NRG3: variants seen among roughly 807,000 people sequenced by gnomAD.
NRG3 encodes the protein pro-neuregulin-3, membrane-bound isoform.
In NRG3, 31 loss-of-function variants were observed where a neutral mutation model predicts 66.9. That is an observed-to-expected ratio of 0.46 (90% CI 0.35 to 0.63). NRG3 has a LOEUF of 0.63. Among genes scored for constraint, NRG3 ranks in the 20% least tolerant of loss-of-function variants. The pLI is 0.00. For synonymous variants in NRG3, 393 were observed against 359.4 expected, an observed-to-expected ratio of 1.09 and a Z score of -1.06; for missense variants, 910 against 878.9, an observed-to-expected ratio of 1.04 and a Z score of -0.45.
intron 1 of NRG3, among the ~76,000 whole-genome samples, chr10:81,978,061 G>A (rs1179490664): frequency 6.6e-6 from 1 of 152,042 alleles, no homozygotes; most frequent in African/African-American, 2.4e-5. Context: ...CTAGCTATTT[G>A]AAGCTATATA....
chr10:82,233,439 G>A (rs2076598017), intron 1 of NRG3, among the ~76,000 whole-genome samples: 1 of 152,134 alleles, frequency 6.6e-6, no homozygotes, highest in Admixed American at 6.5e-5. Flanking sequence ...CAGTTAGAAA[G>A]ATTTTCTAAG....
intron 1 of NRG3, among the ~76,000 whole-genome samples, chr10:82,327,782 A>C (rs957256569): frequency 6.6e-6 from 1 of 152,194 alleles, no homozygotes; most frequent in Non-Finnish European, 1.5e-5. Context: ...TGGCTTAAAC[A>C]ACAGAAATTT....
chr10:82,370,123 C>G lies in NRG3; in HGVS notation c.953+11255C>G, dbSNP rs1323061961. 1.4e-5 allele frequency among the ~76,000 whole-genome samples: 2 copies of G among 139,116 alleles called. 1 individual carries two copies. Among genetic ancestry groups the G allele is most frequent in the African/African-American group, 6.6e-5 (2 of 30,260 alleles). 91.3% of individuals were successfully genotyped at this position (139,116 alleles called of 152,430 possible). Reference sequence around the variant, plus strand: ...GTTAATCAGCTCAGTGGACCCTCTGCTTTATCGCAAGGGCAGGGGGCCAGT... The same window carrying G: ...GTTAATCAGCTCAGTGGACCCTCTGGTTTATCGCAAGGGCAGGGGGCCAGT... On this transcript the variant is annotated intron_variant, in intron 2 of 8. Transcript: ENST00000372141.
intron 1 of NRG3, among the ~76,000 whole-genome samples, chr10:82,041,190 T>C (rs2063018257): frequency 6.6e-6 from 1 of 152,078 alleles, no homozygotes; most frequent in Admixed American, 6.6e-5. Context: ...GAATTGACAT[T>C]GTTTCTTTTT....
intron 2 of NRG3, among the ~76,000 whole-genome samples, chr10:82,437,222 C>A (rs948171584): frequency 6.6e-6 from 1 of 151,866 alleles, no homozygotes; most frequent in African/African-American, 2.4e-5. Context: ...TTCTTGGAGG[C>A]TTTTTTCATT....
intron 4 of NRG3, among the ~76,000 whole-genome samples, chr10:82,902,586 A>C (rs895064544): frequency 6.6e-6 from 1 of 152,138 alleles, no homozygotes; most frequent in Non-Finnish European, 1.5e-5. Context: ...CAAAGTCAAC[A>C]ATCTTCAGGG....
At chr10:82,398,487 GTGTA>G (rs1358527474) in intron 2 of NRG3, among the ~76,000 whole-genome samples, 1 of 142,420 alleles carries the variant, frequency 7.0e-6, no homozygotes, top group Admixed American at 7.0e-5. Context: ...TCTTGGCTTC[GTGTA>G]TGTGTGTGTG....
At chr10:82,815,004 C>T (rs906259339) in intron 3 of NRG3, among the ~76,000 whole-genome samples, 4 of 152,178 alleles carry the variant, frequency 2.6e-5, no homozygotes, top group Non-Finnish European at 5.9e-5. Flanking sequence ...CCAAACCCAC[C>T]ATGCTGATCT....
intron 4 of NRG3, among the ~76,000 whole-genome samples, chr10:82,924,596 T>C (rs1846796704): frequency 6.6e-6 from 1 of 151,892 alleles, no homozygotes; most frequent in African/African-American, 2.4e-5. Context: ...AAAAAAAGCT[T>C]TTAAAGATTG....
intron 2 of NRG3, among the ~76,000 whole-genome samples, chr10:82,376,034 A>G (rs948272800): frequency 1.3e-5 from 2 of 152,198 alleles, no homozygotes; most frequent in Non-Finnish European, 2.9e-5. Flanking sequence ...CCTTCATGCC[A>G]GTGCCTCACA....
At chr10:82,380,310 G>A (rs916326235) in intron 2 of NRG3, among the ~76,000 whole-genome samples, 21 of 151,816 alleles carry the variant, frequency 1.4e-4, no homozygotes, top group African/African-American at 4.4e-4. Flanking sequence ...TTAAAAATAC[G>A]TATTACTCTT....
chr10:81,983,636 C>T (rs1589684176), intron 1 of NRG3, among the ~76,000 whole-genome samples: 1 of 152,044 alleles, frequency 6.6e-6, no homozygotes, highest in Admixed American at 6.6e-5. Context: ...TTAATGTAGC[C>T]GTGAATTTAC....
intron 1 of NRG3, among the ~76,000 whole-genome samples, chr10:81,953,133 C>G (rs557222287): frequency 6.6e-6 from 1 of 152,152 alleles, no homozygotes; most frequent in Non-Finnish European, 1.5e-5. Flanking sequence ...TTCTCTCTAA[C>G]ACTCTTCCTG....
At chr10:82,046,245 G>A (rs1044414088) in intron 1 of NRG3, among the ~76,000 whole-genome samples, 7 of 120,714 alleles carry the variant, frequency 5.8e-5, no homozygotes, top group Non-Finnish European at 1.3e-4. Context: ...TTATTTCCTT[G>A]AGCAGTGGTT....
At chr10:81,954,999 A>G (rs1358110168) in intron 1 of NRG3, among the ~76,000 whole-genome samples, 3 of 152,004 alleles carry the variant, frequency 2.0e-5, no homozygotes. Flanking sequence ...AAATATAACT[A>G]AAGTCTGTAT....
chr10:82,167,444 G>A lies in NRG3; in HGVS notation c.824-191295G>A, dbSNP rs909915431. Among the ~76,000 whole-genome samples, 3 of 152,232 alleles carry A rather than the reference G, an allele frequency of 2.0e-5. No individual in the cohort carries two copies. In the East Asian group the frequency reaches 5.8e-4, roughly 29 times the overall value. The stretch of plus-strand genomic sequence containing the variant: ...TAAGTCTGAATATGACTTAGTGGCA[G>A]TGGCATCCAAAGGGGCAGGGTGATG... On this transcript the variant is annotated intron_variant, in intron 1 of 8. Coordinates refer to ENST00000372141, the MANE Select transcript of NRG3 (RefSeq NM_001010848.4).
At chr10:82,965,282 C>T (rs1342179862) in intron 6 of NRG3, among the ~76,000 whole-genome samples, 1 of 152,072 alleles carries the variant, frequency 6.6e-6, no homozygotes, top group African/African-American at 2.4e-5. Flanking sequence ...GAATCAACTG[C>T]CAGGCTTTGT....
intron 1 of NRG3, among the ~76,000 whole-genome samples, chr10:81,894,708 T>G (rs1368075539): frequency 1.3e-5 from 2 of 152,068 alleles, no homozygotes; most frequent in Non-Finnish European, 2.9e-5. Flanking sequence ...GAGACTGCCC[T>G]CCCCGCTGCT....
intron 4 of NRG3, among the ~76,000 whole-genome samples, chr10:82,897,250 A>C (rs2131845803): frequency 6.6e-6 from 1 of 152,362 alleles, no homozygotes; most frequent in Admixed American, 6.5e-5. Flanking sequence ...CTTTTGAGAA[A>C]AAAATAGACG....
Sources: allele counts gnomAD v4.1 joint callset (sites outside exome capture counted in the v4.1 genomes callset), GRCh38; gene constraint gnomAD v4.1.1; transcripts MANE v1.5; gene names NCBI Gene and HGNC (gene_info 2026-07-23, HGNC 2026-07-21).